SLC46A2: variants seen among roughly 807,000 people sequenced by gnomAD.
SLC46A2 encodes solute carrier family 46 member 2, also known as thymic stromal co-transporter.
Under a neutral mutation model 33.1 loss-of-function variants are expected in SLC46A2, and 25 were observed. The ratio of observed to expected loss-of-function variants is 0.76; its 90% CI spans 0.55 to 1.06. The LOEUF is 1.06. Ranked by LOEUF, SLC46A2 falls within the 50% of genes least tolerant of loss-of-function variation. SLC46A2 has a pLI of 0.00. For missense variants in SLC46A2, 622 were observed against 621.7 expected (o/e 1.00, Z 0.00); for synonymous variants, 254 against 275.9 (o/e 0.92, Z 0.79).
chr9:112,890,340 C>T lies in SLC46A2; in HGVS notation c.342G>A (p.Leu114=), dbSNP rs1053010545. 3.1e-6 allele frequency: 5 copies of T among 1,613,836 alleles called. No individual in the cohort carries two copies. The highest frequency in any genetic ancestry group is 3.3e-5 in the Admixed American group (2 of 60,014). The change falls in exon 1 of 4, where the codon CTG becomes CTA. Residue 114 remains leucine (L), a synonymous_variant. Coordinates refer to ENST00000374228, the MANE Select transcript of SLC46A2 (RefSeq NM_033051.4). The surrounding 1 kb of genome is among the most constrained non-coding windows in gnomAD (Gnocchi z 6.0). ...HRKISICMSL[L]GFLLSRLGLL... is the part of the protein sequence containing the mutation. ...GCCCGAGGCGGGAGAGCAGGAAGCC[C>T]AGCAGCGACATGCAGATGGAGATCT...
chr9:112,889,468 A>C (rs1841693061), intron 1 of SLC46A2, 85 bp downstream of exon 1: 9 of 1,453,018 alleles, frequency 6.2e-6, no homozygotes, highest in Non-Finnish European at 7.4e-6. Context: ...CTGAGCTAGG[A>C]CACCCAGACC....
intron 3 of SLC46A2, among the ~76,000 whole-genome samples, chr9:112,884,198 G>A (rs78168483): frequency 0.042 from 6,325 of 152,292 alleles, 309 homozygotes; most frequent in South Asian, 0.18. Flanking sequence ...TGCAGCCACA[G>A]CCCCCTGGGA....
chr9:112,887,912 A>AGTGTGTGTGTGTGTGT (rs34424153), intron 1 of SLC46A2, among the ~76,000 whole-genome samples: 25 of 142,264 alleles, frequency 1.8e-4, no homozygotes, highest in Non-Finnish European at 3.1e-4. Flanking sequence ...ATCCAGATGC[A>AGTGTGTGTGTGTGTGT]GTGTGTGTGT....
intron 3 of SLC46A2, 111 bp downstream of exon 3, chr9:112,886,349 A>G: frequency 8.2e-7 from 1 of 1,224,086 alleles, no homozygotes; most frequent in Non-Finnish European, 1.2e-6. Flanking sequence ...GACCCACTGC[A>G]TAAATGCTGA....
intron 3 of SLC46A2, chr9:112,881,773 A>C (rs988269252): frequency 2.0e-5 from 3 of 152,386 alleles, no homozygotes; most frequent in African/African-American, 7.2e-5. Context: ...CTAGTGGGCA[A>C]GTGTAATTAA....
chr9:112,890,218 C>G lies in SLC46A2; in HGVS notation c.464G>C (p.Gly155Ala). ...LFGGFSAFWS[G>A]VMALGSLGSS... ...GCCCAGCGATCCCAGCGCCATGACC[C>G]CGGACCAGAAGGCGGAGAAGCCGCC... The change falls in exon 1 of 4, where the codon GGG (glycine) becomes GCG (alanine). Residue 155 changes from glycine to alanine, a missense_variant. Gly to Ala is a moderately conservative substitution (Grantham distance 60, BLOSUM62 0). Coordinates refer to ENST00000374228, the MANE Select transcript of SLC46A2 (RefSeq NM_033051.4). This position sits in a 1 kb window ranked among gnomAD's most constrained non-coding sequence, Gnocchi z 6.0. 1 of 1,613,122 alleles carries G rather than the reference C, an allele frequency of 6.2e-7. No individual in the cohort carries two copies. Among genetic ancestry groups the G allele is most frequent in the African/African-American group, 1.3e-5 (1 of 75,074 alleles).
rs527517869 is a variant in SLC46A2, at chr9:112,882,691, G to A, written c.1371-2872C>T. 1.2e-4 allele frequency among the ~76,000 whole-genome samples: 18 copies of A among 152,106 alleles called. No homozygotes were observed. In the South Asian group the frequency reaches 2.9e-3, roughly 25 times the overall value. ...TATTAGGCCTGATTGATTGGAGGTG[G>A]GGGGAGATGAAGGACAGGTTTCTAC... On this transcript the variant is annotated intron_variant, in intron 3 of 3. Coordinates refer to ENST00000374228, the MANE Select transcript of SLC46A2 (RefSeq NM_033051.4).
chr9:112,890,035 G>A lies in SLC46A2; in HGVS notation c.647C>T (p.Ala216Val), dbSNP rs1332218650. The change falls in exon 1 of 4, where the codon GCC (alanine) becomes GTC (valine). Residue 216 changes from alanine (A) to valine (V), a missense_variant. Ala to Val is a moderately conservative substitution (Grantham distance 64, BLOSUM62 0). Transcript: ENST00000374228. This position sits in a 1 kb window ranked among gnomAD's most constrained non-coding sequence, Gnocchi z 6.0. ...AAGGCTGTAGAGCAGGGCAAACGAG[G>A]CACAGCTCACGCTGCAGGCCGTCAG... ...LILTACSVSC[A>V]SFALLYSLLV... 2.5e-6 allele frequency: 4 copies of A among 1,613,972 alleles called. No individual in the cohort carries two copies. The highest frequency in any genetic ancestry group is 1.7e-5 in the Admixed American group (1 of 60,034).
intron 3 of SLC46A2, among the ~76,000 whole-genome samples, chr9:112,886,205 T>C (rs1372434351): frequency 6.6e-6 from 1 of 152,252 alleles, no homozygotes; most frequent in Non-Finnish European, 1.5e-5. Context: ...AAATAGTCAC[T>C]ATAAAACTGC....
intron 1 of SLC46A2, among the ~76,000 whole-genome samples, chr9:112,887,642 G>T (rs2131546579): frequency 6.6e-6 from 1 of 152,332 alleles, no homozygotes; most frequent in South Asian, 2.1e-4. Flanking sequence ...AGGTGGCTGG[G>T]CACAGTTGAC....
At position 112,886,442 on chromosome 9, in the gene SLC46A2, A is replaced by T; in HGVS notation, c.1370+18T>A. The stretch of plus-strand genomic sequence containing the variant: ...ATCAGGGTCCCAGCCCAAGCAGCAG[A>T]TGCTGCTCCCATCCTACCTAATTGG... On this transcript the variant is annotated intron_variant, in intron 3 of 3. Transcript: ENST00000374228. The T allele has an allele frequency of 6.2e-7, 1 of 1,613,408 alleles. No homozygotes were observed. Among genetic ancestry groups the T allele is most frequent in the Non-Finnish European group, 8.5e-7 (1 of 1,179,390 alleles).
In SLC46A2 at chr9:112,886,493, G is replaced by C; in HGVS notation, c.1337C>G (p.Ser446Cys). The part of the protein sequence containing the change: ...MFVGSCFALS[S>C]FLSFLAIIPI... ...AATGATGGCCAGGAAGGAGAGAAAGGAGGAGAGAGCAAAGCAGGAGCCCAC... is the reference window on the plus strand; with the variant it reads ...AATGATGGCCAGGAAGGAGAGAAAGCAGGAGAGAGCAAAGCAGGAGCCCAC... The change falls in exon 3 of 4, where the codon TCC becomes TGC. Residue 446 changes from serine to cysteine, a missense_variant. By Grantham distance (112) the Ser-to-Cys change is moderately radical. Coordinates refer to ENST00000374228, the MANE Select transcript of SLC46A2 (RefSeq NM_033051.4). 6.2e-7 allele frequency: 1 copy of C among 1,614,182 alleles called. No individual in the cohort carries two copies. The highest frequency in any genetic ancestry group is 8.5e-7 in the Non-Finnish European group (1 of 1,180,032).
intron 3 of SLC46A2, among the ~76,000 whole-genome samples, chr9:112,883,332 G>A (rs543507087): frequency 1.3e-5 from 2 of 152,234 alleles, no homozygotes; most frequent in South Asian, 2.1e-4. Context: ...AGGAGAGGCC[G>A]CACCCAGATA....
intron 3 of SLC46A2, among the ~76,000 whole-genome samples, chr9:112,884,606 G>A (rs563346619): frequency 6.6e-6 from 1 of 152,324 alleles, no homozygotes; most frequent in African/African-American, 2.4e-5. Context: ...TCTCTGGTGG[G>A]TGGGATCCTG....
intron 2 of SLC46A2, 27 bp downstream of exon 2, chr9:112,887,303 T>G: frequency 1.2e-6 from 2 of 1,607,154 alleles, no homozygotes; most frequent in Non-Finnish European, 1.7e-6. Context: ...GGCAGAAGAT[T>G]CCAGAGAGAT....
Position 112,890,617 on chromosome 9 carries a change from A to T in SLC46A2, c.65T>A (p.Val22Asp), listed in dbSNP as rs1387986048. 9 of 1,606,100 alleles carry T rather than the reference A, an allele frequency of 5.6e-6. No homozygotes were observed. The highest frequency in any genetic ancestry group is 7.6e-6 in the Non-Finnish European group (9 of 1,179,898). ...HLPRFHPRTWVEPVVASSQVA... is the reference protein window; with the variant it reads ...HLPRFHPRTWDEPVVASSQVA... ...CTGGGACGAGGCCACCACGGGCTCA[A>T]CCCAGGTCCTCGGGTGGAAGCGAGG... The change falls in exon 1 of 4, where the codon GTT becomes GAT. Residue 22 changes from valine (V) to aspartate (D), a missense_variant. Coordinates refer to ENST00000374228, the MANE Select transcript of SLC46A2 (RefSeq NM_033051.4). This position sits in a 1 kb window ranked among gnomAD's most constrained non-coding sequence, Gnocchi z 6.0.
chr9:112,881,896 C>G (rs911741072), intron 3 of SLC46A2, among the ~76,000 whole-genome samples: 8 of 152,072 alleles, frequency 5.3e-5, no homozygotes, highest in Admixed American at 2.0e-4. Flanking sequence ...GGAAAATTCT[C>G]TTTGAGAAAA....
rs775234510 is a variant in SLC46A2, at chr9:112,890,130, C to T, written c.552G>A (p.Gly184=). The T allele has an allele frequency of 8.7e-6, 14 of 1,613,202 alleles. No homozygotes were observed. The highest frequency in any genetic ancestry group is 1.2e-5 in the Non-Finnish European group (14 of 1,179,784). ...GCCCGGAAGCCATGCTCCCGCAGAA[C>T]CCCGCCAAGCCCAGCATCAGGTCAA... ...ILIDLMLGLA[G]FCGSMASGHL... The change falls in exon 1 of 4, where the codon GGG becomes GGA. Residue 184 remains glycine, a synonymous_variant. Transcript: ENST00000374228. This position sits in a 1 kb window ranked among gnomAD's most constrained non-coding sequence, Gnocchi z 6.0.
At chr9:112,882,232 A>T (rs977468305) in intron 3 of SLC46A2, among the ~76,000 whole-genome samples, 1 of 152,100 alleles carries the variant, frequency 6.6e-6, no homozygotes, top group Non-Finnish European at 1.5e-5. Context: ...TCAGCCTCCC[A>T]ACTAGCTGGG....
Sources: allele counts gnomAD v4.1 joint callset (sites outside exome capture counted in the v4.1 genomes callset), GRCh38; gene constraint gnomAD v4.1.1; non-coding constraint Gnocchi (gnomAD v3.1); transcripts MANE v1.5; gene names NCBI Gene and HGNC (gene_info 2026-07-23, HGNC 2026-07-21).